The following MSH6 variants were observed in gnomAD, a reference collection of about 807,000 sequenced individuals.
MSH6 encodes the protein DNA mismatch repair protein Msh6.
MSH6 carries 85 observed loss-of-function variants against 119.1 expected under a neutral mutation model. That is an observed-to-expected ratio of 0.71 (90% CI 0.60 to 0.85). The LOEUF (loss-of-function observed/expected upper bound fraction) is 0.85. Among genes scored for constraint, MSH6 ranks in the 40% least tolerant of loss-of-function variants. The probability of loss-of-function intolerance (pLI) is 0.00; values close to 1 mark genes in which losing one functional copy is unlikely to be tolerated. For missense variants in MSH6, 2,163 were observed against 1,655.3 expected, an observed-to-expected ratio of 1.31 and a Z score of -5.32; for synonymous variants, 830 against 586.9, an observed-to-expected ratio of 1.41 and a Z score of -5.99.
Position 47,798,999 on chromosome 2 carries a change from C to T in MSH6, c.1016C>T (p.Ala339Val), listed in dbSNP as rs587780669. ...ISSETKNTLR[A>V]FSAPQNSESQ... ...TCAGAAACCAAGAATACTTTGAGAG[C>T]TTTCTCTGCCCCTCAAAATTCTGAA... is the stretch of plus-strand genomic sequence containing the variant. Residue 339 changes from alanine to valine, a missense_variant, in exon 4 of 10, where the codon GCT (alanine) becomes GTT (valine). By Grantham distance (64) the Ala-to-Val change is moderately conservative. Coordinates refer to ENST00000234420, the MANE Select transcript of MSH6 (RefSeq NM_000179.3). 1 of 1,614,210 alleles carries T rather than the reference C, an allele frequency of 6.2e-7. No individual in the cohort carries two copies. The highest frequency in any genetic ancestry group is 8.5e-7 in the Non-Finnish European group (1 of 1,180,038).
In MSH6 at chr2:47,796,019, G is replaced by T. The variant is rs267608038; in HGVS notation, c.583G>T (p.Val195Phe). The change falls in exon 3 of 10, where the codon GTT becomes TTT. Residue 195 changes from valine to phenylalanine, a missense_variant. Val to Phe is a conservative substitution (Grantham distance 50). Transcript: ENST00000234420. ...KDKIKRLELAVCDEPSEPEEE... is the reference protein window; with the variant it reads ...KDKIKRLELAFCDEPSEPEEE... ...CAAGATTAAGAGGCTTGAATTGGCAGTTTGTGATGAGCCCTCAGAGCCAGA... is the reference window on the plus strand; with the variant it reads ...CAAGATTAAGAGGCTTGAATTGGCATTTTGTGATGAGCCCTCAGAGCCAGA... 1.9e-6 allele frequency: 3 copies of T among 1,614,178 alleles called. No homozygotes were observed. The highest frequency in any genetic ancestry group is 2.2e-5 in the South Asian group (2 of 91,084).
At chr2:47,788,602 C>T (rs1274784020) in intron 1 of MSH6, among the ~76,000 whole-genome samples, 1 of 133,908 alleles carries the variant, frequency 7.5e-6, no homozygotes, top group African/African-American at 2.8e-5. Context: ...CGGAGTCTTG[C>T]TCTGTTACCC....
chr2:47,788,947 T>TTTTTTTTTTTTTTTTG (rs1668560941), intron 1 of MSH6, among the ~76,000 whole-genome samples: 1 of 116,180 alleles, frequency 8.6e-6, no homozygotes, highest in Non-Finnish European at 1.7e-5. Flanking sequence ...TTTTTTTTTT[T>TTTTTTTTTTTTTTTTG]GTGAGACGGA....
At chr2:47,801,361 G>GTTT (rs10666222) in intron 4 of MSH6, 38,910 of 88,706 alleles carry the variant, frequency 0.44, 13,480 homozygotes, top group Non-Finnish European at 0.47. Flanking sequence ...CCTTTCTTCA[G>GTTT]TTTTTTTTTT....
downstream of MSH6, chr2:47,808,466 T>A: frequency 1.3e-6 from 2 of 1,508,144 alleles, no homozygotes; most frequent in Non-Finnish European, 1.8e-6. Context: ...CTCAAACATG[T>A]CATTAATGCA....
At chr2:47,791,341 T>G (rs770461975) in intron 2 of MSH6, among the ~76,000 whole-genome samples, 97 of 152,334 alleles carry the variant, frequency 6.4e-4, no homozygotes, top group Non-Finnish European at 1.2e-3. Context: ...TTTATTTCTG[T>G]CCTTTGAGTG....
rs1231712557 is a variant in MSH6 at position 47,798,949 on chromosome 2, C to T, written c.966C>T (p.Ala322=). The change falls in exon 4 of 10, where the codon GCC becomes GCT. Residue 322 remains alanine, a synonymous_variant. Coordinates refer to ENST00000234420, the MANE Select transcript of MSH6 (RefSeq NM_000179.3). ...RKSSRKETPS[A]TKQATSISSE... is the part of the protein sequence containing the mutation. ...GCTCTAGGAAGGAAACGCCCTCAGC[C>T]ACCAAACAAGCAACTAGCATTTCAT... 3 of 1,614,156 alleles carry T rather than the reference C, an allele frequency of 1.9e-6. No homozygotes were observed. In the South Asian group the frequency reaches 3.3e-5, roughly 18 times the overall value.
rs780345806 is a variant in MSH6 at position 47,803,504 on chromosome 2, C to A, written c.3257C>A (p.Pro1086His). 10 of 1,614,008 alleles carry A rather than the reference C, an allele frequency of 6.2e-6. No individual in the cohort carries two copies. The highest frequency in any genetic ancestry group is 1.6e-4 in the Middle Eastern group (1 of 6,084). ...GTAATTCTGTTGCCGGAAGATACCC[C>A]CCCCTTCTTAGAGCTTAAAGGATCA... The part of the protein sequence containing the change: ...RPVILLPEDT[P>H]PFLELKGSRH... Residue 1086 changes from proline to histidine, a missense_variant, in exon 5 of 10, where the codon CCC (proline) becomes CAC (histidine). Coordinates refer to ENST00000234420, the MANE Select transcript of MSH6 (RefSeq NM_000179.3).
rs63750833 is a variant in MSH6 at position 47,801,135 on chromosome 2, TAG to T, written c.3155_3156del (p.Glu1052ValfsTer13). The T allele has an allele frequency of 1.2e-6, 2 of 1,611,602 alleles. No homozygotes were observed. Among genetic ancestry groups the T allele is most frequent in the Non-Finnish European group, 1.7e-6 (2 of 1,180,024 alleles). Reference sequence around the variant, plus strand: ...AATTACAAGGACTGGCAGTCTGCTGTAGAGTGTATCGCAGTGTTGGGTAAGAC... The same window carrying T: ...AATTACAAGGACTGGCAGTCTGCTGTAGTGTATCGCAGTGTTGGGTAAGAC... On this transcript the variant is annotated frameshift_variant, in exon 4 of 10. Coordinates refer to ENST00000234420, the MANE Select transcript of MSH6 (RefSeq NM_000179.3). LOFTEE classifies it high-confidence loss of function.
chr2:47,806,954 C>T (rs1670247502), downstream of MSH6: 3 of 944,868 alleles, frequency 3.2e-6, no homozygotes, highest in Admixed American at 2.0e-5. Context: ...TTAAAAATGA[C>T]CATTTTTCCA....
chr2:47,791,398 C>A (rs915075489), intron 2 of MSH6, among the ~76,000 whole-genome samples: 1 of 152,060 alleles, frequency 6.6e-6, no homozygotes, highest in African/African-American at 2.4e-5. Context: ...TAAACTGTCC[C>A]CCCATCTTGA....
downstream of MSH6, chr2:47,808,448 T>C: frequency 6.4e-7 from 1 of 1,558,914 alleles, no homozygotes; most frequent in Non-Finnish European, 8.7e-7. Context: ...AAAGCTTAAA[T>C]TACTTTTCTC....
Position 47,804,962 on chromosome 2 carries a change from T to C in MSH6, c.3491T>C (p.Val1164Ala), listed in dbSNP as rs2104506640. The C allele has an allele frequency of 6.2e-7, 1 of 1,614,172 alleles. No individual in the cohort carries two copies. Among genetic ancestry groups the C allele is most frequent in the East Asian group, 2.2e-5 (1 of 44,890 alleles). ...AQMGCYVPAE[V>A]CRLTPIDRVF... is the part of the protein sequence containing the mutation. ...ATGGGTTGTTACGTCCCTGCTGAAG[T>C]GTGCAGGCTCACACCAATTGATAGA... Residue 1164 changes from valine to alanine, a missense_variant, in exon 6 of 10, where the codon GTG becomes GCG. Transcript: ENST00000234420.
chr2:47,801,793 C>T (rs866455899), intron 4 of MSH6, among the ~76,000 whole-genome samples: 2 of 151,978 alleles, frequency 1.3e-5, no homozygotes, highest in Non-Finnish European at 2.9e-5. Context: ...TAAGCACCGG[C>T]GTGCCCTGCT....
downstream of MSH6, chr2:47,807,293 T>C (rs148353208): frequency 1.2e-4 from 27 of 217,722 alleles, no homozygotes; most frequent in African/African-American, 5.0e-4. Context: ...ACTTAAAACA[T>C]AGTAGTTTTT....
At chr2:47,794,792 T>C (rs894871061) in intron 2 of MSH6, among the ~76,000 whole-genome samples, 2 of 152,086 alleles carry the variant, frequency 1.3e-5, no homozygotes, top group Admixed American at 1.3e-4. Context: ...TTTGTCTTCC[T>C]GAAGTGTTTG....
intron 1 of MSH6, among the ~76,000 whole-genome samples, chr2:47,788,922 G>GTTTTTTTTGTTTTTGTTTTTTTT (rs1668541391): frequency 1.5e-4 from 6 of 40,952 alleles, no homozygotes; most frequent in African/African-American, 6.0e-4. Flanking sequence ...TTTTTTTTTT[G>GTTTTTTTTGTTTTTGTTTTTTTT]TTTTTTTTTT....
At chr2:47,788,169 G>A (rs1168782020) in intron 1 of MSH6, among the ~76,000 whole-genome samples, 1 of 151,632 alleles carries the variant, frequency 6.6e-6, no homozygotes, top group African/African-American at 2.4e-5. Flanking sequence ...TAGCATTGGA[G>A]GAACTGCATA....
Position 47,805,551 on chromosome 2 carries a change from TAGA to T in MSH6, c.3557-63_3557-61del, listed in dbSNP as rs1669944332. ...TGTAGCTCATGATAGCTATATAACCTAGAAGATGAATTTATGTAATATGATTTG... is the reference window on the plus strand; with the variant it reads ...TGTAGCTCATGATAGCTATATAACCTAGATGAATTTATGTAATATGATTTG... On this transcript the variant is annotated intron_variant, in intron 6 of 9. Coordinates refer to ENST00000234420, the MANE Select transcript of MSH6 (RefSeq NM_000179.3). The T allele has an allele frequency of 2.9e-5, 30 of 1,047,850 alleles. 1 individual carries two copies. Among genetic ancestry groups the T allele is most frequent in the South Asian group, 2.8e-4 (22 of 79,256 alleles). The allele number at this position is 1,047,850 out of a possible 1,614,324, so 64.9% of individuals were successfully genotyped here.
Sources: allele counts gnomAD v4.1 joint callset (sites outside exome capture counted in the v4.1 genomes callset), GRCh38; gene constraint gnomAD v4.1.1; transcripts MANE v1.5; gene names NCBI Gene and HGNC (gene_info 2026-07-23, HGNC 2026-07-21).